CDIN1: variants seen among roughly 807,000 people sequenced by gnomAD.
The protein encoded by CDIN1 is CDAN1-interacting nuclease 1.
In CDIN1, 33 loss-of-function variants were observed where a neutral mutation model predicts 45.3. That is an observed-to-expected ratio of 0.73 (90% CI 0.55 to 0.97). The LOEUF is 0.97. CDIN1 is among the 50% of genes least tolerant of loss of function. CDIN1 has a pLI of 0.00. For synonymous variants in CDIN1, 118 were observed against 124.4 expected (o/e 0.95, Z 0.34); for missense variants, 303 against 339.4 (o/e 0.89, Z 0.84).
intron 7 of CDIN1, among the ~76,000 whole-genome samples, chr15:36,696,946 TAAA>T (rs1163749494): frequency 4.3e-5 from 4 of 92,220 alleles, no homozygotes; most frequent in African/African-American, 4.3e-5. Flanking sequence ...ATTCCATTTC[TAAA>T]AAAAAAAAAA....
At chr15:36,662,860 T>G (rs2041074273) in intron 5 of CDIN1, among the ~76,000 whole-genome samples, 1 of 149,932 alleles carries the variant, frequency 6.7e-6, no homozygotes, top group African/African-American at 2.4e-5. Flanking sequence ...TTTAGTTTTT[T>G]TTTTTTTTTT....
chr15:36,740,477 G>A (rs548183323), intron 10 of CDIN1, among the ~76,000 whole-genome samples: 9 of 152,276 alleles, frequency 5.9e-5, no homozygotes, highest in South Asian at 2.1e-4. Context: ...TGGTGATACC[G>A]AGAGATGGTA....
intron 4 of CDIN1, among the ~76,000 whole-genome samples, chr15:36,655,247 G>C (rs571575839): frequency 2.0e-5 from 3 of 151,880 alleles, no homozygotes; most frequent in Admixed American, 6.6e-5. Context: ...ATGAATTTCT[G>C]TGCGCCTCCT....
chr15:36,772,374 A>G (rs1352483639), intron 10 of CDIN1, among the ~76,000 whole-genome samples: 1 of 152,256 alleles, frequency 6.6e-6, no homozygotes, highest in Non-Finnish European at 1.5e-5. Context: ...CACTCTGGGT[A>G]TAACATAATG....
intron 1 of CDIN1, among the ~76,000 whole-genome samples, chr15:36,608,390 G>A (rs75210159): frequency 0.046 from 7,071 of 152,168 alleles, 405 homozygotes; most frequent in African/African-American, 0.13. Context: ...GTATCTCACT[G>A]TGGTTTTGAT....
chr15:36,640,351 T>C (rs1481947719), intron 1 of CDIN1, among the ~76,000 whole-genome samples: 1 of 152,144 alleles, frequency 6.6e-6, no homozygotes, highest in Non-Finnish European at 1.5e-5. Flanking sequence ...GGTGTTCCAT[T>C]GTATTCTTCA....
chr15:36,624,521 T>C (rs2039332728), intron 1 of CDIN1, among the ~76,000 whole-genome samples: 2 of 152,224 alleles, frequency 1.3e-5, no homozygotes, highest in Admixed American at 1.3e-4. Context: ...TGAAAATCTA[T>C]AGTTTTTTCA....
intron 10 of CDIN1, among the ~76,000 whole-genome samples, chr15:36,775,545 T>G (rs568929863): frequency 6.6e-6 from 1 of 152,314 alleles, no homozygotes; most frequent in African/African-American, 2.4e-5. Flanking sequence ...TAGGACTACA[T>G]TTATCAACTA....
chr15:36,640,735 C>T (rs1258030818), intron 1 of CDIN1: 2 of 676,400 alleles, frequency 3.0e-6, no homozygotes, highest in East Asian at 2.7e-4. Flanking sequence ...GCAATTAAGT[C>T]TGTGCTCAGC....
At chr15:36,614,987 A>G (rs1217412051) in intron 1 of CDIN1, among the ~76,000 whole-genome samples, 3 of 151,870 alleles carry the variant, frequency 2.0e-5, no homozygotes, top group Non-Finnish European at 4.4e-5. Flanking sequence ...TGCCTCCTTG[A>G]AAGAAAGAAA....
At chr15:36,705,489 C>T (rs951751071) in intron 8 of CDIN1, 1 of 152,082 alleles carries the variant, frequency 6.6e-6, no homozygotes, top group East Asian at 1.9e-4. Flanking sequence ...GGGCACATAT[C>T]CTGTATCTGC....
intron 1 of CDIN1, chr15:36,627,474 G>T (rs2039487161): frequency 6.4e-6 from 1 of 157,336 alleles, no homozygotes; most frequent in Middle Eastern, 1.4e-3. Context: ...TTGTCCAGCT[G>T]TAGTTTCTTG....
At chr15:36,774,133 GGTGTGTGTGTGTGTGTGT>G (rs761451923) in intron 10 of CDIN1, among the ~76,000 whole-genome samples, 1 of 138,746 alleles carries the variant, frequency 7.2e-6, no homozygotes, top group African/African-American at 2.7e-5. Flanking sequence ...AACTGACAGG[GGTGTGTGTGTGTGTGTGT>G]GTGTGTGTGT....
At chr15:36,658,551 C>G (rs1200081708) in intron 5 of CDIN1, among the ~76,000 whole-genome samples, 2 of 152,114 alleles carry the variant, frequency 1.3e-5, no homozygotes, top group African/African-American at 2.4e-5. Context: ...AGTGCTGGCT[C>G]TTTTACTAGG....
chr15:36,753,242 C>G (rs1013803475), intron 10 of CDIN1, among the ~76,000 whole-genome samples: 1 of 152,100 alleles, frequency 6.6e-6, no homozygotes, highest in African/African-American at 2.4e-5. Flanking sequence ...ATTCCTGGAG[C>G]TGGTGGTGTC....
At chr15:36,742,003 C>A (rs1033252529) in intron 10 of CDIN1, among the ~76,000 whole-genome samples, 2 of 152,060 alleles carry the variant, frequency 1.3e-5, no homozygotes, top group Admixed American at 6.6e-5. Flanking sequence ...AAATCAGATT[C>A]AAAATCTTAA....
chr15:36,691,959 T>A (rs981907327), intron 6 of CDIN1, among the ~76,000 whole-genome samples, 167 bp from the exon 7 acceptor site: 1 of 151,514 alleles, frequency 6.6e-6, no homozygotes, highest in Non-Finnish European at 1.5e-5. Context: ...ATAAAAAGCA[T>A]GCAATTTTTG....
At chr15:36,646,974 T>C (rs1332003358) in intron 3 of CDIN1, among the ~76,000 whole-genome samples, 1 of 151,952 alleles carries the variant, frequency 6.6e-6, no homozygotes, top group Admixed American at 6.6e-5. Context: ...AGTATGAACA[T>C]ACTTTTGTTG....
chr15:36,635,564 G>A lies in CDIN1; in HGVS notation c.102-8714G>A, dbSNP rs192488522. 5.0e-4 allele frequency among the ~76,000 whole-genome samples: 76 copies of A among 152,148 alleles called. No homozygotes were observed. The South Asian group carries it at 0.012, about 25-fold the overall frequency. ...CAATCCCCTGTGTGTACCAAAGGAC[G>A]ACTCTAGTATGACACATAATGAGAG... On this transcript the variant is annotated intron_variant, in intron 1 of 10. Transcript: ENST00000566621.
Sources: gnomAD v4.1 joint callset for allele counts (sites outside exome capture counted in the v4.1 genomes callset) on GRCh38, gnomAD v4.1.1 for gene constraint, MANE v1.5 for transcripts, NCBI Gene and HGNC (gene_info 2026-07-23, HGNC 2026-07-21) for gene names.